The following KIAA1328 variants were observed in gnomAD, a reference collection of about 807,000 sequenced individuals.
KIAA1328 encodes the protein protein hinderin.
A neutral mutation model predicts 68.1 loss-of-function variants in KIAA1328; 52 were observed. The observed-to-expected ratio is 0.76, with a 90% CI of 0.61 to 0.96. The LOEUF (loss-of-function observed/expected upper bound fraction) is 0.96. KIAA1328 is among the 40% of genes least tolerant of loss of function. The probability of loss-of-function intolerance (pLI) is 0.00; values close to 1 mark genes in which losing one functional copy is unlikely to be tolerated. For synonymous variants in KIAA1328, 232 were observed against 239.4 expected, an observed-to-expected ratio of 0.97 and a Z score of 0.28; for missense variants, 641 against 677.6, an observed-to-expected ratio of 0.95 and a Z score of 0.60.
At chr18:36,851,140 T>A (rs2047200169) in intron 4 of KIAA1328, among the ~76,000 whole-genome samples, 1 of 152,198 alleles carries the variant, frequency 6.6e-6, no homozygotes, top group African/African-American at 2.4e-5. Context: ...TGAATCATCC[T>A]TGTATTCCTG....
intron 7 of KIAA1328, among the ~76,000 whole-genome samples, chr18:37,131,242 T>C (rs879881901): frequency 5.3e-5 from 8 of 152,226 alleles, no homozygotes; most frequent in South Asian, 2.1e-4. Flanking sequence ...GTTTTTGTCA[T>C]TATCTTTAGC....
At chr18:36,830,845 T>A (rs1147764) in intron 1 of KIAA1328, among the ~76,000 whole-genome samples, 15,918 of 152,256 alleles carry the variant, frequency 0.1, 2,811 homozygotes, top group African/African-American at 0.36. Flanking sequence ...TCCTATAAGA[T>A]CTAATTCAGA....
chr18:36,923,714 TAGCTATATGTG>T (rs1168498233), intron 5 of KIAA1328: 3 of 152,234 alleles, frequency 2.0e-5, no homozygotes, highest in African/African-American at 7.2e-5. Flanking sequence ...TGGTGACCAC[TAGCTATATGTG>T]ACAATTTAAA....
At chr18:36,897,596 A>C (rs550873167) in intron 5 of KIAA1328, among the ~76,000 whole-genome samples, 1 of 152,078 alleles carries the variant, frequency 6.6e-6, no homozygotes, top group Non-Finnish European at 1.5e-5. Flanking sequence ...AGGACAGCCT[A>C]TGATATGGTG....
At chr18:37,179,846 A>G (rs2059664883) in intron 9 of KIAA1328, among the ~76,000 whole-genome samples, 1 of 152,082 alleles carries the variant, frequency 6.6e-6, no homozygotes. Context: ...CACAAAGAGG[A>G]TGTTACTCTT....
chr18:37,079,326 G>C (rs2056864289), intron 7 of KIAA1328, among the ~76,000 whole-genome samples: 1 of 112,358 alleles, frequency 8.9e-6, no homozygotes, highest in Admixed American at 8.7e-5. Flanking sequence ...AGCGGGGCCT[G>C]TTGTGGGGTG....
intron 7 of KIAA1328, among the ~76,000 whole-genome samples, chr18:37,078,631 A>T (rs2056835712): frequency 6.8e-6 from 1 of 147,666 alleles, no homozygotes; most frequent in Non-Finnish European, 1.5e-5. Flanking sequence ...ACAAATTTAC[A>T]AGAAAAAAAC....
chr18:36,893,522 A>G (rs1341238029), intron 5 of KIAA1328, among the ~76,000 whole-genome samples: 4 of 147,096 alleles, frequency 2.7e-5, no homozygotes, highest in Non-Finnish European at 6.0e-5. Context: ...GGGTCTCATT[A>G]TGTTGCCTAG....
At chr18:37,216,986 TTTTG>T (rs1215491060) in intron 9 of KIAA1328, among the ~76,000 whole-genome samples, 3 of 133,096 alleles carry the variant, frequency 2.3e-5, no homozygotes, top group Middle Eastern at 3.9e-3. Flanking sequence ...TTTGTTTTTT[TTTTG>T]TTTGTTTTTT....
chr18:36,931,095 C>T (rs1399007270), intron 5 of KIAA1328, among the ~76,000 whole-genome samples: 1 of 152,048 alleles, frequency 6.6e-6, no homozygotes, highest in Non-Finnish European at 1.5e-5. Context: ...CTGTGGATTT[C>T]CTCTTGCTTT....
intron 3 of KIAA1328, among the ~76,000 whole-genome samples, chr18:36,843,803 A>G (rs1244846212): frequency 6.6e-6 from 1 of 152,156 alleles, no homozygotes; most frequent in Non-Finnish European, 1.5e-5. Flanking sequence ...GAACCTTAGG[A>G]TATTTTGAAT....
At chr18:36,992,451 C>CTTTTTTTTT (rs71168252) in intron 6 of KIAA1328, among the ~76,000 whole-genome samples, 257 of 129,928 alleles carry the variant, frequency 2.0e-3, no homozygotes, top group African/African-American at 5.9e-3. Flanking sequence ...TCTTTTCTTT[C>CTTTTTTTTT]TTTTTTTTTT....
intron 6 of KIAA1328, among the ~76,000 whole-genome samples, chr18:37,030,296 A>G (rs563246429): frequency 1.3e-5 from 2 of 152,240 alleles, no homozygotes; most frequent in East Asian, 3.9e-4. Context: ...CTTTTCTAAT[A>G]TAAACATTTA....
chr18:37,189,053 G>GA (rs1225174787), intron 9 of KIAA1328, among the ~76,000 whole-genome samples: 2 of 151,816 alleles, frequency 1.3e-5, no homozygotes, highest in South Asian at 2.1e-4. Flanking sequence ...ATTAAAGGAG[G>GA]AAAAAAAACG....
At chr18:37,016,526 A>G (rs1265193044) in intron 6 of KIAA1328, among the ~76,000 whole-genome samples, 3 of 152,244 alleles carry the variant, frequency 2.0e-5, no homozygotes, top group East Asian at 1.9e-4. Context: ...AAACAGTTTC[A>G]GTAGAATTGG....
At chr18:36,869,535 G>C (rs2047873027) in intron 4 of KIAA1328, among the ~76,000 whole-genome samples, 2 of 152,018 alleles carry the variant, frequency 1.3e-5, no homozygotes, top group African/African-American at 4.8e-5. Flanking sequence ...TCAAATTTTG[G>C]TTATGAAAAG....
At chr18:36,910,817 TCTC>T (rs1197997695) in intron 5 of KIAA1328, among the ~76,000 whole-genome samples, 2 of 152,152 alleles carry the variant, frequency 1.3e-5, no homozygotes, top group Admixed American at 6.6e-5. Context: ...GGTTTGTAGT[TCTC>T]CTTTTTAAAC....
chr18:36,936,993 A>G (rs2050524276), intron 5 of KIAA1328, among the ~76,000 whole-genome samples: 1 of 152,176 alleles, frequency 6.6e-6, no homozygotes, highest in Admixed American at 6.6e-5. Context: ...ACAGTGTGAT[A>G]CTGATAGCAA....
intron 5 of KIAA1328, among the ~76,000 whole-genome samples, chr18:36,924,416 TAGG>T (rs2050038946): frequency 6.6e-6 from 1 of 151,934 alleles, no homozygotes; most frequent in Non-Finnish European, 1.5e-5. Context: ...GAAAAAAAGA[TAGG>T]AGGATTTGAT....
Sources: allele counts gnomAD v4.1 joint callset (sites outside exome capture counted in the v4.1 genomes callset), GRCh38; gene constraint gnomAD v4.1.1; transcripts MANE v1.5; gene names NCBI Gene and HGNC (gene_info 2026-07-23, HGNC 2026-07-21).